TAFA4: variants seen among roughly 807,000 people sequenced by gnomAD.
TAFA4 encodes chemokine-like protein TAFA-4.
Under a neutral mutation model 21.1 loss-of-function variants are expected in TAFA4, and 20 were observed. The ratio of observed to expected loss-of-function variants is 0.95; its 90% CI spans 0.67 to 1.38. TAFA4 has a LOEUF of 1.38. Among genes scored for constraint, TAFA4 ranks in the 40% most tolerant of loss-of-function variants. The probability of loss-of-function intolerance (pLI) is 0.00; values close to 1 mark genes in which losing one functional copy is unlikely to be tolerated. For missense variants in TAFA4, 211 were observed against 180.9 expected (o/e 1.17, Z -0.95); for synonymous variants, 71 against 67.4 (o/e 1.05, Z -0.26).
At position 68,856,251 on chromosome 3, in the gene TAFA4, G is replaced by A. The variant is rs924336602; in HGVS notation, c.130+24479C>T. Among the ~76,000 whole-genome samples, 4 of 152,260 alleles carry A rather than the reference G, an allele frequency of 2.6e-5. No individual in the cohort carries two copies. The South Asian group carries it at 8.3e-4, about 32-fold the overall frequency. ...AGAAAACTAGGTAGGAGCATGGCGGGAGAGGAAGATTGAGAGGTCTAAGGC... is the reference window on the plus strand; with the variant it reads ...AGAAAACTAGGTAGGAGCATGGCGGAAGAGGAAGATTGAGAGGTCTAAGGC... On this transcript the variant is annotated intron_variant, in intron 3 of 5. Coordinates refer to ENST00000295569, the MANE Select transcript of TAFA4 (RefSeq NM_182522.5).
At chr3:68,759,052 T>C (rs1192604019) in intron 3 of TAFA4, among the ~76,000 whole-genome samples, 1 of 152,156 alleles carries the variant, frequency 6.6e-6, no homozygotes, top group Admixed American at 6.5e-5. Context: ...GTCATTCCCA[T>C]CTGAAGGTCA....
At chr3:68,753,160 A>G in intron 3 of TAFA4, 142 bp from the exon 4 acceptor site, 2 of 766,296 alleles carry the variant, frequency 2.6e-6, no homozygotes, top group Non-Finnish European at 2.0e-6. Context: ...TTTTGATAAC[A>G]TATTATTTCA....
At chr3:68,908,385 A>T (rs2089924561) in intron 1 of TAFA4, among the ~76,000 whole-genome samples, 1 of 152,158 alleles carries the variant, frequency 6.6e-6, no homozygotes, top group Admixed American at 6.5e-5. Flanking sequence ...GGAAGCCACG[A>T]GGCTCTATCC....
At chr3:68,822,342 C>T (rs1360526224) in intron 3 of TAFA4, among the ~76,000 whole-genome samples, 1 of 152,168 alleles carries the variant, frequency 6.6e-6, no homozygotes, top group African/African-American at 2.4e-5. Flanking sequence ...AGTTGTGTGT[C>T]CTGCTGAGTG....
intron 3 of TAFA4, among the ~76,000 whole-genome samples, chr3:68,819,825 C>T (rs980657708): frequency 6.6e-6 from 1 of 152,184 alleles, no homozygotes; most frequent in Non-Finnish European, 1.5e-5. Flanking sequence ...AACGCTTACA[C>T]ACTGTTGGTG....
At chr3:68,871,500 C>T (rs1360734554) in intron 3 of TAFA4, among the ~76,000 whole-genome samples, 8 of 152,118 alleles carry the variant, frequency 5.3e-5, no homozygotes, top group Non-Finnish European at 1.0e-4. Flanking sequence ...TGGGGAAATG[C>T]TTCAAGACAT....
intron 3 of TAFA4, among the ~76,000 whole-genome samples, chr3:68,809,438 G>T (rs1422388430): frequency 6.7e-6 from 1 of 150,096 alleles, no homozygotes; most frequent in Non-Finnish European, 1.5e-5. Context: ...AATATGATTT[G>T]TTTGTGATTT....
chr3:68,866,722 GAAC>G lies in TAFA4; in HGVS notation c.130+14005_130+14007del, dbSNP rs201083756. ...AAAAAAACTCAGAAATGTATCAGATGAACAACAACAACAACAAAAAACAAATCC... is the reference window on the plus strand; with the variant it reads ...AAAAAAACTCAGAAATGTATCAGATGAACAACAACAACAAAAAACAAATCC... On this transcript the variant is annotated intron_variant, in intron 3 of 5. Transcript: ENST00000295569. Among the ~76,000 whole-genome samples the G allele has an allele frequency of 2.0e-3, 214 of 105,704 alleles. 1 individual carries two copies. The highest frequency in any genetic ancestry group is 6.7e-3 in the Middle Eastern group (1 of 150). The allele number at this position is 105,704 out of a possible 152,430, so 69.3% of individuals were successfully genotyped here.
At chr3:68,823,254 A>T (rs1704151340) in intron 3 of TAFA4, among the ~76,000 whole-genome samples, 1 of 152,174 alleles carries the variant, frequency 6.6e-6, no homozygotes, top group South Asian at 2.1e-4. Flanking sequence ...AACAAAATCT[A>T]ACATTTCTTT....
intron 1 of TAFA4, among the ~76,000 whole-genome samples, chr3:68,893,749 G>GT (rs778321960): frequency 6.6e-5 from 10 of 152,186 alleles, no homozygotes; most frequent in Non-Finnish European, 1.5e-4. Context: ...TAATCTATTA[G>GT]TGGGATAAAG....
rs546333069 is a variant in TAFA4 at position 68,743,727 on chromosome 3, G to C, written c.287-4528C>G. Among the ~76,000 whole-genome samples, 5 of 152,232 alleles carry C rather than the reference G, an allele frequency of 3.3e-5. No homozygotes were observed. In the South Asian group the frequency reaches 1.0e-3, roughly 32 times the overall value. On this transcript the variant is annotated intron_variant, in intron 4 of 5. Transcript: ENST00000295569. The stretch of plus-strand genomic sequence containing the variant: ...TTGTCCCAACAACCTTCAGAAGCCA[G>C]AAAGGGGAGCCAGATGGTACCACAG...
intron 1 of TAFA4, among the ~76,000 whole-genome samples, chr3:68,887,907 C>T (rs1196839746): frequency 6.6e-6 from 1 of 152,084 alleles, no homozygotes; most frequent in Admixed American, 6.6e-5. Flanking sequence ...ATCATTTTAG[C>T]AATCTCTTTT....
intron 1 of TAFA4, among the ~76,000 whole-genome samples, chr3:68,926,844 G>A (rs1372598903): frequency 6.6e-6 from 1 of 152,120 alleles, no homozygotes; most frequent in Non-Finnish European, 1.5e-5. Flanking sequence ...CTGGAAGGTG[G>A]AGGTTGCAGT....
intron 3 of TAFA4, among the ~76,000 whole-genome samples, chr3:68,774,670 T>G (rs2106787599): frequency 6.6e-6 from 1 of 152,284 alleles, no homozygotes; most frequent in Non-Finnish European, 1.5e-5. Context: ...ATGCTATATA[T>G]CAAAATACAC....
At chr3:68,889,152 T>C (rs1408853765) in intron 1 of TAFA4, among the ~76,000 whole-genome samples, 1 of 152,232 alleles carries the variant, frequency 6.6e-6, no homozygotes, top group African/African-American at 2.4e-5. Flanking sequence ...AAGAGAATTT[T>C]TTTAGAACAT....
At chr3:68,756,813 T>C (rs1347780088) in intron 3 of TAFA4, among the ~76,000 whole-genome samples, 1 of 152,178 alleles carries the variant, frequency 6.6e-6, no homozygotes, top group Non-Finnish European at 1.5e-5. Context: ...TGATTTCCCA[T>C]AGGTAGTTGT....
At chr3:68,878,721 G>A (rs1429541034) in intron 3 of TAFA4, among the ~76,000 whole-genome samples, 3 of 152,040 alleles carry the variant, frequency 2.0e-5, no homozygotes, top group Non-Finnish European at 4.4e-5. Context: ...CAATTATGAT[G>A]GAAAATAGAC....
intron 3 of TAFA4, among the ~76,000 whole-genome samples, chr3:68,820,900 A>G (rs1377269293): frequency 1.3e-5 from 2 of 152,264 alleles, no homozygotes; most frequent in African/African-American, 4.8e-5. Flanking sequence ...TAAATACACC[A>G]TAATTTTAGA....
rs530760080 is a variant in TAFA4 at position 68,746,317 on chromosome 3, TTCATATATACATCTATC to T, written c.286+6529_286+6545del. Among the ~76,000 whole-genome samples, 744 of 152,242 alleles carry T rather than the reference TTCATATATACATCTATC, an allele frequency of 4.9e-3. 6 individuals carry two copies. The highest frequency in any genetic ancestry group is 0.017 in the African/African-American group (696 of 41,520). ...AGTTAATACTCCTAATAAACTCCCC[TTCATATATACATCTATC>T]TCATATATACATCTATCCTATTAGT... On this transcript the variant is annotated intron_variant, in intron 4 of 5. Coordinates refer to ENST00000295569, the MANE Select transcript of TAFA4 (RefSeq NM_182522.5).
Sources: gnomAD v4.1 joint callset for allele counts (sites outside exome capture counted in the v4.1 genomes callset) on GRCh38, gnomAD v4.1.1 for gene constraint, MANE v1.5 for transcripts, NCBI Gene and HGNC (gene_info 2026-07-23, HGNC 2026-07-21) for gene names.